The following SAXO1 variants were observed in gnomAD, a reference collection of about 807,000 sequenced individuals.
SAXO1 encodes the protein 4930500O09Rik.
A neutral mutation model predicts 17.5 loss-of-function variants in SAXO1; 21 were observed. The observed-to-expected ratio is 1.20, with a 90% confidence interval of 0.85 to 1.72. The LOEUF (loss-of-function observed/expected upper bound fraction) is 1.72. SAXO1 is among the 40% of genes most tolerant of loss of function. The probability of loss-of-function intolerance (pLI) is 0.00; values close to 1 mark genes in which losing one functional copy is unlikely to be tolerated. For missense variants in SAXO1, 843 were observed against 596.0 expected (o/e 1.41, Z -4.32); for synonymous variants, 274 against 216.5 (o/e 1.27, Z -2.33).
At position 18,928,426 on chromosome 9, in the gene SAXO1, G is replaced by A. The variant is rs147460353; in HGVS notation, c.1051C>T (p.Arg351Cys). Residue 351 changes from arginine to cysteine, a missense_variant, in exon 4 of 4, where the codon CGC (arginine) becomes TGC (cysteine). Coordinates refer to ENST00000380534, the MANE Select transcript of SAXO1 (RefSeq NM_153707.4). ...GGAACGGGCTTGACTGGCTCTGTGCGCATGCTGGACCACTGCTTGTAGTCA... is the reference window on the plus strand; with the variant it reads ...GGAACGGGCTTGACTGGCTCTGTGCACATGCTGGACCACTGCTTGTAGTCA... ...KDDYKQWSSMRTEPVKPVPQL... is the reference protein window; with the variant it reads ...KDDYKQWSSMCTEPVKPVPQL... 5.2e-5 allele frequency: 83 copies of A among 1,608,502 alleles called. No individual in the cohort carries two copies. The Middle Eastern group carries it at 6.6e-4, about 13-fold the overall frequency.
chr9:19,014,736 G>T (rs892876449), intron 1 of SAXO1, among the ~76,000 whole-genome samples: 5 of 152,058 alleles, frequency 3.3e-5, no homozygotes, highest in Admixed American at 2.0e-4. Flanking sequence ...CTTTGTCACA[G>T]GTATTACCTA....
rs979329642 is a variant in SAXO1 at position 18,951,036 on chromosome 9, A to G, written c.39-99T>C. 2.5e-6 allele frequency: 3 copies of G among 1,206,460 alleles called. No homozygotes were observed. The Admixed American group carries it at 6.9e-5, about 28-fold the overall frequency. The allele number at this position is 1,206,460 out of a possible 1,614,324, so 74.7% of individuals were successfully genotyped here. ...CAAATGTGACTCAGACTGTAAAATC[A>G]TGTGACTGCCAACATTGAAAACCAG... On this transcript the variant is annotated intron_variant, in intron 1 of 3. Coordinates refer to ENST00000380534, the MANE Select transcript of SAXO1 (RefSeq NM_153707.4).
chr9:18,962,743 T>C (rs934356886), intron 1 of SAXO1, among the ~76,000 whole-genome samples: 4 of 152,246 alleles, frequency 2.6e-5, no homozygotes, highest in African/African-American at 9.6e-5. Context: ...TTTTCTCCCT[T>C]TCAGTAGGTT....
chr9:19,041,547 A>C (rs1343118666), intron 1 of SAXO1, among the ~76,000 whole-genome samples: 3 of 152,234 alleles, frequency 2.0e-5, no homozygotes, highest in African/African-American at 4.8e-5. Flanking sequence ...CTCCAGTTAT[A>C]CTACAGAGTT....
rs925645706 is a variant in SAXO1, at chr9:18,971,093, CCCATA to C, written c.39-20161_39-20157del. On this transcript the variant is annotated intron_variant, in intron 1 of 3. Coordinates refer to ENST00000380534, the MANE Select transcript of SAXO1 (RefSeq NM_153707.4). The stretch of plus-strand genomic sequence containing the variant: ...GACCTGCACCAGCCCTCCTACCCAA[CCCATA>C]CCTTTTCCTACCTGAACAGCTACCA... 2.0e-4 allele frequency among the ~76,000 whole-genome samples: 31 copies of C among 152,172 alleles called. 1 individual carries two copies. The highest frequency in any genetic ancestry group is 1.3e-3 in the Admixed American group (20 of 15,270).
chr9:19,002,464 TC>T (rs1185191971), intron 1 of SAXO1, among the ~76,000 whole-genome samples: 7 of 152,142 alleles, frequency 4.6e-5, no homozygotes, highest in Non-Finnish European at 1.0e-4. Context: ...TAGGCCAATA[TC>T]CCTGATGAAC....
chr9:18,978,037 TG>T (rs1833223723), intron 1 of SAXO1, among the ~76,000 whole-genome samples: 1 of 146,778 alleles, frequency 6.8e-6, no homozygotes, highest in South Asian at 2.2e-4. Flanking sequence ...CCAAAACGAT[TG>T]TTCCAGAGTC....
chr9:19,046,689 C>T (rs1338612428), intron 1 of SAXO1, among the ~76,000 whole-genome samples: 3 of 136,316 alleles, frequency 2.2e-5, no homozygotes, highest in Non-Finnish European at 3.1e-5. Context: ...GCAACAAGAG[C>T]AAAACTTCGT....
At chr9:18,942,919 A>AT (rs542294696) in intron 2 of SAXO1, among the ~76,000 whole-genome samples, 1 of 152,212 alleles carries the variant, frequency 6.6e-6, no homozygotes, top group Non-Finnish European at 1.5e-5. Flanking sequence ...GGGAAGGTAG[A>AT]TTTTTCCTGA....
At position 18,928,122 on chromosome 9, in the gene SAXO1, T is replaced by C. The variant is rs768013912; in HGVS notation, c.1355A>G (p.Gln452Arg). 1 of 1,614,204 alleles carries C rather than the reference T, an allele frequency of 6.2e-7. No individual in the cohort carries two copies. The highest frequency in any genetic ancestry group is 8.5e-7 in the Non-Finnish European group (1 of 1,180,010). Residue 452 changes from glutamine to arginine, a missense_variant, in exon 4 of 4, where the codon CAG becomes CGG. Transcript: ENST00000380534. ...ATCTACAGAAAGATGGCTGCTCTGC[T>C]GAGAGCCTGCCTGGGAAACTGGTTT... ...IYKPVSQAGS[Q>R]QSSHLSVDDS...
intron 1 of SAXO1, among the ~76,000 whole-genome samples, chr9:19,023,408 A>G (rs988658264): frequency 6.6e-6 from 1 of 152,038 alleles, no homozygotes; most frequent in Non-Finnish European, 1.5e-5. Context: ...TACTGATTCA[A>G]TCCTCTCAAT....
At chr9:18,935,805 T>TA (rs1263143299) in intron 3 of SAXO1, among the ~76,000 whole-genome samples, 1 of 152,154 alleles carries the variant, frequency 6.6e-6, no homozygotes, top group African/African-American at 2.4e-5. Context: ...CTATTGTTTT[T>TA]ATTGAAACTC....
intron 1 of SAXO1, among the ~76,000 whole-genome samples, chr9:18,970,691 T>G (rs1237876339): frequency 6.6e-6 from 1 of 152,192 alleles, no homozygotes; most frequent in Non-Finnish European, 1.5e-5. Flanking sequence ...ACTAGATTCC[T>G]GGAACAGTTG....
At chr9:18,944,927 A>G (rs970502075) in intron 2 of SAXO1, among the ~76,000 whole-genome samples, 1 of 152,188 alleles carries the variant, frequency 6.6e-6, no homozygotes, top group Non-Finnish European at 1.5e-5. Context: ...ATTATATTAA[A>G]ATGGAATCCA....
intron 1 of SAXO1, among the ~76,000 whole-genome samples, chr9:19,021,923 A>T (rs1835250928): frequency 6.6e-6 from 1 of 152,244 alleles, no homozygotes; most frequent in Non-Finnish European, 1.5e-5. Context: ...AGGGCCCAGT[A>T]AGGAAATAAA....
chr9:18,977,209 C>T (rs78986590), intron 1 of SAXO1, among the ~76,000 whole-genome samples: 3,163 of 152,240 alleles, frequency 0.021, 100 homozygotes, highest in African/African-American at 0.072. Flanking sequence ...TTTCACAATT[C>T]TTTTACATAC....
At chr9:18,963,107 G>A (rs1832556577) in intron 1 of SAXO1, among the ~76,000 whole-genome samples, 1 of 152,164 alleles carries the variant, frequency 6.6e-6, no homozygotes, top group African/African-American at 2.4e-5. Flanking sequence ...TCAGATGGTT[G>A]TAGATATGTG....
chr9:18,958,154 T>A (rs1337004959), intron 1 of SAXO1, among the ~76,000 whole-genome samples: 1 of 152,142 alleles, frequency 6.6e-6, no homozygotes, highest in East Asian at 1.9e-4. Flanking sequence ...CCAGGTGCGG[T>A]GGCTCATTCC....
chr9:19,018,479 G>A (rs1835087187), intron 1 of SAXO1, among the ~76,000 whole-genome samples: 1 of 152,146 alleles, frequency 6.6e-6, no homozygotes. Context: ...AGAAACATGG[G>A]TCATTCCAGC....
Sources: allele counts gnomAD v4.1 joint callset (sites outside exome capture counted in the v4.1 genomes callset), GRCh38; gene constraint gnomAD v4.1.1; transcripts MANE v1.5; gene names NCBI Gene and HGNC (gene_info 2026-07-23, HGNC 2026-07-21).